MAST4: variants seen among roughly 807,000 people sequenced by gnomAD.
MAST4 encodes microtubule associated serine/threonine kinase family member 4, also known as microtubule-associated serine/threonine-protein kinase 4.
A neutral mutation model predicts 162.7 loss-of-function variants in MAST4; 89 were observed. The observed-to-expected ratio is 0.55, with a 90% CI of 0.46 to 0.65. The LOEUF is 0.65. MAST4 is among the 30% of genes least tolerant of loss of function. MAST4 has a pLI of 0.00. For synonymous variants in MAST4, 1,479 were observed against 1,361.1 expected, an observed-to-expected ratio of 1.09 and a Z score of -1.91; for missense variants, 3,153 against 3,374.0, an observed-to-expected ratio of 0.93 and a Z score of 1.62.
In MAST4 at chr5:67,163,170, TC is replaced by T. The variant is rs1229261401; in HGVS notation, c.3995del (p.Pro1332LeufsTer97). The T allele has an allele frequency of 6.2e-7, 1 of 1,606,640 alleles. No individual in the cohort carries two copies. On this transcript the variant is annotated frameshift_variant, in exon 29 of 29. Transcript: ENST00000403625. LOFTEE classifies it low-confidence loss of function (END_TRUNC). This position sits in a 1 kb window ranked among gnomAD's most constrained non-coding sequence, Gnocchi z 7.0. Reference sequence around the variant, plus strand: ...AGGTACTAATTCCTCCCAGAGCAGCTCCCCTAGTTCTAGTGCCCCCAATTCC... The same window carrying T: ...AGGTACTAATTCCTCCCAGAGCAGCTCCCTAGTTCTAGTGCCCCCAATTCC... Reference protein sequence around the residue: ...PSGTNSSQSSSPSSSAPNSPA... With the variant: ...PSGTNSSQSSXPSSSAPNSPA...
intron 3 of MAST4, among the ~76,000 whole-genome samples, chr5:66,802,064 T>C (rs184656923): frequency 1.8e-3 from 271 of 152,334 alleles, no homozygotes; most frequent in Non-Finnish European, 2.9e-3. Flanking sequence ...TTTGGGCTTT[T>C]CATTTAAATA....
intron 3 of MAST4, among the ~76,000 whole-genome samples, chr5:66,837,949 C>T (rs1359360939): frequency 7.3e-6 from 1 of 136,546 alleles, no homozygotes; most frequent in Non-Finnish European, 1.5e-5. Context: ...TGGATATACT[C>T]ACCATATTTG....
At chr5:66,827,838 A>G (rs1030939475) in intron 3 of MAST4, among the ~76,000 whole-genome samples, 8 of 152,336 alleles carry the variant, frequency 5.3e-5, no homozygotes, top group Middle Eastern at 3.4e-3. Context: ...TAGAATAGAC[A>G]CCAAGGAGGA....
At chr5:66,834,623 G>T (rs1428217017) in intron 3 of MAST4, among the ~76,000 whole-genome samples, 1 of 152,174 alleles carries the variant, frequency 6.6e-6, no homozygotes, top group Non-Finnish European at 1.5e-5. Flanking sequence ...GCCAAAGTCA[G>T]TGTTCAGGTG....
intron 3 of MAST4, among the ~76,000 whole-genome samples, chr5:66,856,611 G>C (rs1203242361): frequency 6.6e-6 from 1 of 152,234 alleles, no homozygotes; most frequent in African/African-American, 2.4e-5. Flanking sequence ...AGAAGTTCCT[G>C]TGTGTTGCCT....
intron 1 of MAST4, among the ~76,000 whole-genome samples, chr5:66,649,922 C>T (rs1308115624): frequency 6.6e-6 from 1 of 151,276 alleles, no homozygotes; most frequent in Non-Finnish European, 1.5e-5. Flanking sequence ...GACATTTTAT[C>T]AATTTCTCAG....
intron 4 of MAST4, among the ~76,000 whole-genome samples, chr5:66,941,092 T>C (rs533157340): frequency 1.8e-4 from 28 of 152,264 alleles, no homozygotes; most frequent in African/African-American, 6.5e-4. Context: ...AGATATGCTG[T>C]CATCTAGGCT....
At chr5:66,666,880 A>G (rs1747295114) in intron 1 of MAST4, among the ~76,000 whole-genome samples, 1 of 152,220 alleles carries the variant, frequency 6.6e-6, no homozygotes, top group South Asian at 2.1e-4. Context: ...GGTTGCCTAT[A>G]ATGAAGTGTT....
chr5:66,843,747 G>A (rs1169308729), intron 3 of MAST4, among the ~76,000 whole-genome samples: 3 of 152,116 alleles, frequency 2.0e-5, no homozygotes, highest in African/African-American at 4.8e-5. Context: ...TTGAAGTTCT[G>A]TAATTTCTAG....
At position 66,810,823 on chromosome 5, in the gene MAST4, G is replaced by T. The variant is rs1298584400; in HGVS notation, c.642+22029G>T. On this transcript the variant is annotated intron_variant, in intron 3 of 28. Transcript: ENST00000403625. The stretch of plus-strand genomic sequence containing the variant: ...GGTATTGGCCATATGTAGAGATTTT[G>T]ATCCATACTTGTGGCTGAACTTGAG... 2.0e-5 allele frequency among the ~76,000 whole-genome samples: 3 copies of T among 152,320 alleles called. No individual in the cohort carries two copies. The Middle Eastern group carries it at 0.01, about 518-fold the overall frequency.
At chr5:67,017,849 G>A (rs1475353449) in intron 4 of MAST4, among the ~76,000 whole-genome samples, 2 of 151,866 alleles carry the variant, frequency 1.3e-5, no homozygotes, top group African/African-American at 4.8e-5. Context: ...CGGCCACCTC[G>A]GCCTCCCAAA....
In MAST4 at chr5:66,667,778, A is replaced by G. The variant is rs536568841; in HGVS notation, c.363+70760A>G. On this transcript the variant is annotated intron_variant, in intron 1 of 28. Coordinates refer to ENST00000403625, the MANE Select transcript of MAST4 (RefSeq NM_001164664.2). ...GCTGCTGCTGCTAATAGTATCTCCA[A>G]CAAATTATAATTGATTTTTTTTGTT... is the stretch of plus-strand genomic sequence containing the variant. Among the ~76,000 whole-genome samples, 5 of 142,040 alleles carry G rather than the reference A, an allele frequency of 3.5e-5. No homozygotes were observed. In the East Asian group the frequency reaches 1.0e-3, roughly 29 times the overall value. The allele number at this position is 142,040 out of a possible 152,430, so 93.2% of individuals were successfully genotyped here. A position where few individuals can be genotyped will look rare whatever the true frequency, so the allele number is the denominator to read the frequency against.
chr5:66,610,085 C>T (rs1233085992), intron 1 of MAST4, among the ~76,000 whole-genome samples: 1 of 152,098 alleles, frequency 6.6e-6, no homozygotes, highest in East Asian at 1.9e-4. Context: ...TTTTGCACCA[C>T]CCTAATGGTG....
chr5:67,159,358 C>T (rs879146016), intron 26 of MAST4, among the ~76,000 whole-genome samples: 1 of 151,902 alleles, frequency 6.6e-6, no homozygotes, highest in African/African-American at 2.4e-5. Flanking sequence ...TAATACTTTC[C>T]TATTATCTTC....
intron 13 of MAST4, among the ~76,000 whole-genome samples, chr5:67,119,075 C>G (rs1349671158): frequency 6.6e-6 from 1 of 152,188 alleles, no homozygotes; most frequent in Non-Finnish European, 1.5e-5. Flanking sequence ...ACAGCAGAAA[C>G]TAGAGCACTT....
chr5:67,023,574 A>G (rs1754256391), intron 4 of MAST4, among the ~76,000 whole-genome samples: 2 of 152,158 alleles, frequency 1.3e-5, no homozygotes, highest in South Asian at 2.1e-4. Flanking sequence ...CCTGGGTCCT[A>G]TTATTTAGAC....
intron 4 of MAST4, among the ~76,000 whole-genome samples, chr5:66,943,141 A>G (rs532754206): frequency 3.3e-5 from 5 of 152,250 alleles, no homozygotes; most frequent in Non-Finnish European, 7.4e-5. Flanking sequence ...CATTCAAACC[A>G]TAGCACTGGC....
intron 3 of MAST4, among the ~76,000 whole-genome samples, chr5:66,896,148 A>C (rs2149964271): frequency 6.6e-6 from 1 of 152,172 alleles, no homozygotes; most frequent in South Asian, 2.1e-4. Flanking sequence ...CAGTTAGTCA[A>C]TTTATTCTTT....
chr5:66,845,126 T>TATATATATATATACATAC (rs1358855625), intron 3 of MAST4, among the ~76,000 whole-genome samples: 2 of 67,178 alleles, frequency 3.0e-5, no homozygotes, highest in East Asian at 1.6e-3. Context: ...TATATATATA[T>TATATATATATATACATAC]ACACACACAC....
Sources: allele counts gnomAD v4.1 joint callset (sites outside exome capture counted in the v4.1 genomes callset), GRCh38; gene constraint gnomAD v4.1.1; non-coding constraint Gnocchi (gnomAD v3.1); transcripts MANE v1.5; gene names NCBI Gene and HGNC (gene_info 2026-07-23, HGNC 2026-07-21).